Variants in NBEAL1 observed in about 807,000 individuals in gnomAD.
The protein encoded by NBEAL1 is neurobeachin-like protein 1.
NBEAL1 carries 273 observed loss-of-function variants against 351.3 expected under a neutral mutation model. The ratio of observed to expected loss-of-function variants is 0.78; its 90% confidence interval spans 0.70 to 0.86. The LOEUF is 0.86. Ranked by LOEUF, NBEAL1 falls within the 40% of genes least tolerant of loss-of-function variation. The pLI, the probability that NBEAL1 is intolerant of heterozygous loss-of-function variation, is 0.00. For missense variants in NBEAL1, 2,961 were observed against 3,201.3 expected (o/e 0.92, Z 1.81); for synonymous variants, 1,050 against 1,086.4 (o/e 0.97, Z 0.66).
At chr2:203,131,622 T>TA (rs1268329382) in intron 25 of NBEAL1, among the ~76,000 whole-genome samples, 1 of 152,202 alleles carries the variant, frequency 6.6e-6, no homozygotes, top group Admixed American at 6.5e-5. Flanking sequence ...GAGTTATTTA[T>TA]ATCCCACTGC....
chr2:203,062,369 G>A lies in NBEAL1; in HGVS notation c.515+4916G>A, dbSNP rs775151600. On this transcript the variant is annotated intron_variant, in intron 6 of 55. Transcript: ENST00000683969. This position sits in a 1 kb window ranked among gnomAD's most constrained non-coding sequence, Gnocchi z 4.2. ...CAACGCCCACTCCTGAGGGGTGAAGGTTACAGCCACATCCTCAAAAGTCAC... is the reference window on the plus strand; with the variant it reads ...CAACGCCCACTCCTGAGGGGTGAAGATTACAGCCACATCCTCAAAAGTCAC... The A allele has an allele frequency of 6.3e-6, 3 of 475,048 alleles. No homozygotes were observed. The highest frequency in any genetic ancestry group is 2.0e-5 in the African/African-American group (1 of 50,310). 29.4% of individuals were successfully genotyped at this position (475,048 alleles called of 1,614,324 possible).
rs1471718970 is a variant in NBEAL1, at chr2:203,126,930, T to TG, written c.3248+5dup. The TG allele has an allele frequency of 1.3e-6, 2 of 1,520,542 alleles. No individual in the cohort carries two copies. Among genetic ancestry groups the TG allele is most frequent in the Non-Finnish European group, 1.8e-6 (2 of 1,119,722 alleles). The allele number at this position is 1,520,542 out of a possible 1,614,324, so 94.2% of individuals were successfully genotyped here. A position where few individuals can be genotyped will look rare whatever the true frequency, so the allele number is the denominator to read the frequency against. ...ATACACTTAGGATTTATTATGGGTA[T>TG]GATGCCCTTGTTCTTTCTCAGTTTG... On this transcript the variant is annotated splice_donor_region_variant and intron_variant, in intron 23 of 55. Transcript: ENST00000683969.
intron 27 of NBEAL1, among the ~76,000 whole-genome samples, chr2:203,134,010 A>G (rs766149575): frequency 1.6e-4 from 25 of 151,988 alleles, no homozygotes; most frequent in Admixed American, 8.5e-4. Flanking sequence ...ATGTTTTCCA[A>G]TTTGTGGTAA....
intron 14 of NBEAL1, among the ~76,000 whole-genome samples, chr2:203,109,677 G>T (rs1485326786): frequency 6.6e-6 from 1 of 151,946 alleles, no homozygotes; most frequent in Admixed American, 6.6e-5. Context: ...CCGCCACCAC[G>T]CCTGGCTAAT....
intron 41 of NBEAL1, among the ~76,000 whole-genome samples, 186 bp from the exon 42 acceptor site, chr2:203,174,961 T>C (rs1174322213): frequency 2.0e-5 from 3 of 152,082 alleles, no homozygotes; most frequent in Non-Finnish European, 4.4e-5. Flanking sequence ...GAAAAAAGTA[T>C]TAAGCAATAA....
chr2:203,068,541 C>A, intron 7 of NBEAL1, 66 bp downstream of exon 7: 1 of 847,474 alleles, frequency 1.2e-6, no homozygotes, highest in Non-Finnish European at 1.8e-6. Flanking sequence ...TTTATTCTTA[C>A]TCTGATTCTG....
intron 44 of NBEAL1, among the ~76,000 whole-genome samples, chr2:203,187,067 G>A (rs1470289637): frequency 1.3e-5 from 2 of 152,172 alleles, no homozygotes; most frequent in African/African-American, 4.8e-5. Flanking sequence ...CATTTTGAGA[G>A]TCTTTGCCCT....
intron 12 of NBEAL1, among the ~76,000 whole-genome samples, chr2:203,106,690 A>G (rs1276353584): frequency 1.3e-5 from 2 of 152,146 alleles, no homozygotes; most frequent in African/African-American, 4.8e-5. Flanking sequence ...TTCTTGACCC[A>G]CATTCAACCA....
intron 10 of NBEAL1, among the ~76,000 whole-genome samples, chr2:203,094,524 A>G (rs1156816921): frequency 6.6e-6 from 1 of 152,240 alleles, no homozygotes; most frequent in Non-Finnish European, 1.5e-5. Context: ...TAAACAATTT[A>G]TGAATCAGAT....
rs2065694987 is a variant in NBEAL1, at chr2:203,209,071, A to G, written c.7624-90A>G. On this transcript the variant is annotated intron_variant, in intron 52 of 55. Transcript: ENST00000683969. ...TAATCATTTTCTTGGTTCCTTTCCC[A>G]CATTTCTTTATCTGGCCCACTCTAC... The G allele has an allele frequency of 6.6e-6, 7 of 1,056,998 alleles. No individual in the cohort carries two copies. The East Asian group carries it at 7.3e-5, about 11-fold the overall frequency. 65.5% of individuals were successfully genotyped at this position (1,056,998 alleles called of 1,614,324 possible).
At chr2:203,153,235 C>T (rs2063708783) in intron 35 of NBEAL1, among the ~76,000 whole-genome samples, 1 of 151,744 alleles carries the variant, frequency 6.6e-6, no homozygotes, top group African/African-American at 2.4e-5. Context: ...TGGGCTCAAT[C>T]GATCCTTCTG....
chr2:203,083,737 C>T (rs780329361), intron 9 of NBEAL1, among the ~76,000 whole-genome samples: 1 of 152,108 alleles, frequency 6.6e-6, no homozygotes, highest in African/African-American at 2.4e-5. Flanking sequence ...AGTCAAGTCT[C>T]TATATTGTTT....
chr2:203,057,286 G>A (rs2061419950), intron 5 of NBEAL1, 40 bp from the exon 6 acceptor site: 2 of 1,511,522 alleles, frequency 1.3e-6, no homozygotes, highest in South Asian at 1.2e-5. Flanking sequence ...TAGATGATAA[G>A]TAAGGCATGT....
intron 46 of NBEAL1, among the ~76,000 whole-genome samples, chr2:203,192,315 A>AT (rs1038910030): frequency 1.3e-5 from 2 of 151,910 alleles, no homozygotes; most frequent in African/African-American, 4.8e-5. Context: ...ATTAGTTTTT[A>AT]TTGTGATGAA....
intron 43 of NBEAL1, 25 bp downstream of exon 43, chr2:203,180,537 TG>T: frequency 1.1e-5 from 17 of 1,586,636 alleles, no homozygotes; most frequent in Non-Finnish European, 1.5e-5. Context: ...ATTAAAAATT[TG>T]ACTAGCAGGT....
chr2:203,199,161 AAG>A (rs1288222574), intron 48 of NBEAL1, among the ~76,000 whole-genome samples, 175 bp from the exon 49 acceptor site: 1 of 152,194 alleles, frequency 6.6e-6, no homozygotes, highest in Non-Finnish European at 1.5e-5. Context: ...AAGATAAAAA[AAG>A]AGCTTTTTCT....
intron 51 of NBEAL1, among the ~76,000 whole-genome samples, chr2:203,207,078 C>G (rs1490188015): frequency 6.7e-6 from 1 of 150,106 alleles, no homozygotes; most frequent in Non-Finnish European, 1.5e-5. Flanking sequence ...GTCGCCCCGT[C>G]CGGGATGTGA....
chr2:203,207,267 C>G (rs111751491), intron 51 of NBEAL1, among the ~76,000 whole-genome samples: 66,968 of 148,006 alleles, frequency 0.45, 16,080 homozygotes, highest in Middle Eastern at 0.64. Flanking sequence ...GCCCGGCAGC[C>G]ACCCCGTCCA....
chr2:203,184,685 A>G (rs2064843465), intron 44 of NBEAL1, among the ~76,000 whole-genome samples: 2 of 151,584 alleles, frequency 1.3e-5, no homozygotes, highest in South Asian at 4.1e-4. Flanking sequence ...GTATATATTT[A>G]TAAAATTCAG....
Sources: gnomAD v4.1 joint callset for allele counts (sites outside exome capture counted in the v4.1 genomes callset) on GRCh38, gnomAD v4.1.1 for gene constraint, Gnocchi (gnomAD v3.1) non-coding constraint, MANE v1.5 for transcripts, NCBI Gene and HGNC (gene_info 2026-07-23, HGNC 2026-07-21) for gene names.